LYPLAL1: variants seen among roughly 807,000 people sequenced by gnomAD.
LYPLAL1 encodes lysophospholipase like 1.
LYPLAL1 carries 23 observed loss-of-function variants against 19.7 expected under a neutral mutation model. That is an observed-to-expected ratio of 1.17 (90% CI 0.84 to 1.65). The LOEUF (loss-of-function observed/expected upper bound fraction) is 1.65. Ranked by LOEUF, LYPLAL1 falls within the 40% of genes most tolerant of loss-of-function variation. The pLI is 0.00. For synonymous variants in LYPLAL1, 119 were observed against 96.3 expected (o/e 1.24, Z -1.38); for missense variants, 355 against 279.4 (o/e 1.27, Z -1.93).
the LYPLAL1 span, among the ~76,000 whole-genome samples, chr1:219,325,133 C>T: frequency 5.3e-5 from 8 of 152,110 alleles, no homozygotes; most frequent in Non-Finnish European, 1.0e-4. Context: ...TAACACTTGC[C>T]GAGCAGTGGG....
the LYPLAL1 span, among the ~76,000 whole-genome samples, chr1:219,269,764 A>G: frequency 6.2e-3 from 944 of 152,354 alleles, 12 homozygotes; most frequent in African/African-American, 0.02. Flanking sequence ...GGCTATAAAT[A>G]TATCACAAAT....
At chr1:219,307,044 A>G in the LYPLAL1 span, among the ~76,000 whole-genome samples, 36 of 89,310 alleles carry the variant, frequency 4.0e-4, no homozygotes, top group African/African-American at 1.0e-3. Context: ...ATATATATGT[A>G]TATATATATA....
chr1:219,433,574 A>G, the LYPLAL1 span, among the ~76,000 whole-genome samples: 1 of 152,224 alleles, frequency 6.6e-6, no homozygotes, highest in African/African-American at 2.4e-5. Flanking sequence ...GTCAAGCTGC[A>G]TCTTGAACCA....
chr1:219,307,210 C>T, the LYPLAL1 span, among the ~76,000 whole-genome samples: 2 of 152,126 alleles, frequency 1.3e-5, no homozygotes, highest in South Asian at 4.1e-4. Flanking sequence ...ACTTAGAATG[C>T]AGCTTGACTG....
At chr1:219,439,777 G>C in the LYPLAL1 span, among the ~76,000 whole-genome samples, 2 of 151,562 alleles carry the variant, frequency 1.3e-5, no homozygotes, top group Non-Finnish European at 2.9e-5. Flanking sequence ...ATAACTTATG[G>C]CCTTCTGGCT....
the LYPLAL1 span, among the ~76,000 whole-genome samples, chr1:219,414,032 GC>G: frequency 6.6e-6 from 1 of 152,130 alleles, no homozygotes; most frequent in Non-Finnish European, 1.5e-5. Context: ...TCTTTAATAT[GC>G]CCCCCAGACA....
the LYPLAL1 span, among the ~76,000 whole-genome samples, chr1:219,332,147 A>T: frequency 6.6e-6 from 1 of 152,122 alleles, no homozygotes; most frequent in East Asian, 1.9e-4. Context: ...TCTTTCTTGA[A>T]ACCCACCTAC....
the LYPLAL1 span, among the ~76,000 whole-genome samples, chr1:219,363,153 G>T: frequency 2.6e-5 from 4 of 152,218 alleles, no homozygotes; most frequent in Non-Finnish European, 5.9e-5. Context: ...AATTTATCCA[G>T]CACTATTGTG....
the LYPLAL1 span, among the ~76,000 whole-genome samples, chr1:219,305,121 G>A: frequency 6.6e-6 from 1 of 152,046 alleles, no homozygotes; most frequent in Non-Finnish European, 1.5e-5. Flanking sequence ...GTTCTTACAT[G>A]GACTGTGGCT....
At chr1:219,341,102 T>C in the LYPLAL1 span, among the ~76,000 whole-genome samples, 5 of 152,056 alleles carry the variant, frequency 3.3e-5, no homozygotes, top group African/African-American at 1.2e-4. Context: ...ATTCCAAAGA[T>C]AGGAACAGCT....
the LYPLAL1 span, among the ~76,000 whole-genome samples, chr1:219,373,300 T>C: frequency 6.6e-6 from 1 of 152,202 alleles, no homozygotes; most frequent in Non-Finnish European, 1.5e-5. Context: ...TCCCATCACT[T>C]CCTTGTGAAG....
chr1:219,414,340 G>C, the LYPLAL1 span, among the ~76,000 whole-genome samples: 24 of 152,152 alleles, frequency 1.6e-4, no homozygotes, highest in Admixed American at 1.5e-3. Context: ...ATAAAGAAAA[G>C]GGCATGAGTT....
chr1:219,324,910 C>G, the LYPLAL1 span, among the ~76,000 whole-genome samples: 3 of 152,136 alleles, frequency 2.0e-5, no homozygotes, highest in African/African-American at 7.2e-5. Flanking sequence ...AGCTCCTTGG[C>G]TTTTTTCAAA....
intron 3 of LYPLAL1, among the ~76,000 whole-genome samples, chr1:219,208,730 G>A (rs921531360): frequency 1.3e-5 from 2 of 151,956 alleles, no homozygotes; most frequent in African/African-American, 2.4e-5. Flanking sequence ...AAATTAAATC[G>A]ATAAGAATTT....
chr1:219,285,682 C>T, the LYPLAL1 span, among the ~76,000 whole-genome samples: 1 of 152,090 alleles, frequency 6.6e-6, no homozygotes, highest in African/African-American at 2.4e-5. Flanking sequence ...TCCAGAGAAA[C>T]ATAGTAGATC....
intron 4 of LYPLAL1, 53 bp from the exon 5 acceptor site, chr1:219,211,439 T>G: frequency 8.5e-7 from 1 of 1,171,246 alleles, no homozygotes; most frequent in South Asian, 1.5e-5. Flanking sequence ...TTTCTAAGAA[T>G]GATCTTAAAT....
intron 3 of LYPLAL1, chr1:219,200,352 G>A: frequency 5.0e-6 from 1 of 201,526 alleles, no homozygotes. Flanking sequence ...AAAAGTATCT[G>A]ACAGAGGAAC....
At chr1:219,254,451 A>G in the LYPLAL1 span, among the ~76,000 whole-genome samples, 1 of 151,972 alleles carries the variant, frequency 6.6e-6, no homozygotes, top group Non-Finnish European at 1.5e-5. Flanking sequence ...ACTCCTTTCA[A>G]GATCTCTTTA....
the LYPLAL1 span, among the ~76,000 whole-genome samples, chr1:219,226,952 G>A: frequency 6.6e-6 from 1 of 152,124 alleles, no homozygotes; most frequent in Non-Finnish European, 1.5e-5. Context: ...TTATGATTGT[G>A]TTATAACAAC....
Sources: allele counts gnomAD v4.1 joint callset (sites outside exome capture counted in the v4.1 genomes callset), GRCh38; gene constraint gnomAD v4.1.1; transcripts MANE v1.5; gene names NCBI Gene and HGNC (gene_info 2026-07-23, HGNC 2026-07-21).